The following ANK3 variants were observed in gnomAD, a reference collection of about 807,000 sequenced individuals.
ANK3 encodes ankyrin-3.
Under a neutral mutation model 370.9 loss-of-function variants are expected in ANK3, and 57 were observed. That is an observed-to-expected ratio of 0.15 (90% CI 0.12 to 0.19). The LOEUF (loss-of-function observed/expected upper bound fraction) is 0.19, where lower values mean the gene tolerates loss of function less well. Ranked by LOEUF, ANK3 falls within the 10% of genes least tolerant of loss-of-function variation. The probability of loss-of-function intolerance (pLI) is 1.00; values close to 1 mark genes in which losing one functional copy is unlikely to be tolerated. For missense variants in ANK3, 4,439 were observed against 5,302.1 expected (o/e 0.84, Z 5.06); for synonymous variants, 1,929 against 1,946.3 (o/e 0.99, Z 0.23).
chr10:60,510,745 G>A (rs368400226), intron 2 of ANK3, among the ~76,000 whole-genome samples: 6 of 152,158 alleles, frequency 3.9e-5, no homozygotes, highest in African/African-American at 1.4e-4. Flanking sequence ...GCTTGAATCT[G>A]GGAGGTGGAG....
intron 1 of ANK3, among the ~76,000 whole-genome samples, chr10:60,681,576 C>A (rs946357515): frequency 1.3e-5 from 2 of 152,214 alleles, no homozygotes; most frequent in African/African-American, 4.8e-5. Context: ...TCCAGCCCCA[C>A]CAGTCTCAGG....
chr10:60,665,335 A>T (rs1018684976), intron 1 of ANK3, among the ~76,000 whole-genome samples: 5 of 152,254 alleles, frequency 3.3e-5, no homozygotes, highest in African/African-American at 4.8e-5. Context: ...GTTATATTCA[A>T]AGAGCATTTT....
intron 1 of ANK3, among the ~76,000 whole-genome samples, chr10:60,728,790 CA>C (rs1564630593): frequency 6.6e-6 from 1 of 152,114 alleles, no homozygotes; most frequent in African/African-American, 2.4e-5. Context: ...GGTTCCAATC[CA>C]ATTTCAGGTT....
chr10:60,145,052 C>A (rs1331762266), intron 23 of ANK3, among the ~76,000 whole-genome samples: 4 of 152,162 alleles, frequency 2.6e-5, no homozygotes, highest in Non-Finnish European at 5.9e-5. Context: ...GAACTGAAAG[C>A]TGTTTTCCCA....
Position 60,246,255 on chromosome 10 carries a change from C to CAAAAAAA in ANK3, c.799-11476_799-11470dup, listed in dbSNP as rs869144298. ...TGGGCAACAGAGAGAAACCCTGTAT[C>CAAAAAAA]AAAAAAAAAAAAAAAAAAAAAAAAA... On this transcript the variant is annotated intron_variant, in intron 7 of 43. Transcript: ENST00000280772. 4.7e-3 allele frequency among the ~76,000 whole-genome samples: 432 copies of CAAAAAAA among 91,620 alleles called. 3 individuals are homozygous for CAAAAAAA. Among genetic ancestry groups the CAAAAAAA allele is most frequent in the African/African-American group, 9.0e-3 (187 of 20,872 alleles). The allele number at this position is 91,620 out of a possible 152,430, so 60.1% of individuals were successfully genotyped here.
chr10:60,670,904 T>C (rs2079057535), intron 1 of ANK3, among the ~76,000 whole-genome samples: 1 of 152,196 alleles, frequency 6.6e-6, no homozygotes, highest in African/African-American at 2.4e-5. Context: ...TACATTTTCC[T>C]TCTTCTTCTG....
At chr10:60,575,820 C>G (rs1461620932) in intron 2 of ANK3, among the ~76,000 whole-genome samples, 1 of 152,012 alleles carries the variant, frequency 6.6e-6, no homozygotes, top group African/African-American at 2.4e-5. Context: ...AACAACTTAC[C>G]TTTAATAGAA....
intron 43 of ANK3, among the ~76,000 whole-genome samples, chr10:60,031,774 G>T (rs1209003681): frequency 1.3e-5 from 2 of 152,134 alleles, no homozygotes. Context: ...CATGTTGGTA[G>T]AGCACTTCCT....
chr10:60,135,251 T>C (rs758165951), intron 24 of ANK3, among the ~76,000 whole-genome samples: 1 of 152,220 alleles, frequency 6.6e-6, no homozygotes, highest in Admixed American at 6.5e-5. Context: ...CCCTGTGATC[T>C]TCCAGGAACT....
At chr10:60,536,471 A>G (rs1444613712) in intron 2 of ANK3, among the ~76,000 whole-genome samples, 1 of 152,114 alleles carries the variant, frequency 6.6e-6, no homozygotes, top group Non-Finnish European at 1.5e-5. Flanking sequence ...AAAGTTTTAC[A>G]AACTAAACAT....
intron 2 of ANK3, among the ~76,000 whole-genome samples, chr10:60,435,892 G>A (rs1412459246): frequency 2.0e-5 from 3 of 152,190 alleles, no homozygotes; most frequent in Non-Finnish European, 2.9e-5. Flanking sequence ...GAGGTCAGGA[G>A]ATCGAGACCG....
In ANK3 at chr10:60,366,019, G is replaced by A. The variant is rs570408855; in HGVS notation, c.114+23406C>T. On this transcript the variant is annotated intron_variant, in intron 1 of 43. Coordinates refer to ENST00000280772, the MANE Select transcript of ANK3 (RefSeq NM_020987.5). ...AAACCTTAGTCTCTCACCTGTTAAG[G>A]GCAAAATACCTGTGTTTTAGGACTA... Among the ~76,000 whole-genome samples, 11 of 152,128 alleles carry A rather than the reference G, an allele frequency of 7.2e-5. 1 individual carries two copies. In the East Asian group the frequency reaches 1.7e-3, roughly 24 times the overall value.
chr10:60,529,183 G>T (rs1029930160), intron 2 of ANK3, among the ~76,000 whole-genome samples: 1 of 152,046 alleles, frequency 6.6e-6, no homozygotes, highest in Non-Finnish European at 1.5e-5. Flanking sequence ...AGACAATAAG[G>T]GTGAGAGAAA....
At chr10:60,287,916 T>C (rs1032861628) in intron 1 of ANK3, among the ~76,000 whole-genome samples, 2 of 152,206 alleles carry the variant, frequency 1.3e-5, no homozygotes, top group African/African-American at 4.8e-5. Context: ...TGCTGTTTTA[T>C]ACCATATCTC....
chr10:60,577,807 T>C (rs754978375), intron 2 of ANK3, among the ~76,000 whole-genome samples: 28 of 152,218 alleles, frequency 1.8e-4, no homozygotes, highest in Admixed American at 4.6e-4. Flanking sequence ...GTTCTATATA[T>C]TAGGCTTCTA....
chr10:60,090,292 G>T (rs2087926262), intron 28 of ANK3, among the ~76,000 whole-genome samples: 1 of 151,966 alleles, frequency 6.6e-6, no homozygotes, highest in Admixed American at 6.6e-5. Flanking sequence ...ACTCCATCCT[G>T]GGCAACAGAG....
intron 25 of ANK3, among the ~76,000 whole-genome samples, chr10:60,127,780 C>A (rs2093842452): frequency 6.7e-6 from 1 of 149,264 alleles, no homozygotes; most frequent in African/African-American, 2.5e-5. Flanking sequence ...CTCACTGCAA[C>A]CTCCACCTAC....
Position 60,061,443 on chromosome 10 carries a change from A to C in ANK3, c.12595+1668T>G, listed in dbSNP as rs369586934. 3.9e-5 allele frequency among the ~76,000 whole-genome samples: 6 copies of C among 152,298 alleles called. No individual in the cohort carries two copies. In the East Asian group the frequency reaches 1.2e-3, roughly 29 times the overall value. On this transcript the variant is annotated intron_variant, in intron 40 of 43. Transcript: ENST00000280772. Reference sequence around the variant, plus strand: ...CAACTACTTCTGTTGTGTTCTGGTGATCTTTTTTATTAGAGTTACTTAACA... The same window carrying C: ...CAACTACTTCTGTTGTGTTCTGGTGCTCTTTTTTATTAGAGTTACTTAACA...
rs145263383 is a variant in ANK3 at position 60,716,745 on chromosome 10, C to T, written c.57+16518G>A. ...TGCCCAGGCTGGTCTCAAACTCCTG[C>T]GCTCAAGTGATCCTCCTGCCTTGGC... On this transcript the variant is annotated intron_variant, in intron 1 of 43. Coordinates refer to the ANK3 transcript ENST00000373827. 5.4e-3 allele frequency among the ~76,000 whole-genome samples: 815 copies of T among 152,180 alleles called. 9 individuals are homozygous for T. Among genetic ancestry groups the T allele is most frequent in the African/African-American group, 0.018 (763 of 41,508 alleles).
Sources: allele counts gnomAD v4.1 joint callset (sites outside exome capture counted in the v4.1 genomes callset), GRCh38; gene constraint gnomAD v4.1.1; transcripts MANE v1.5; gene names NCBI Gene and HGNC (gene_info 2026-07-23, HGNC 2026-07-21).